Variants in ADAMTS18 observed in about 807,000 individuals in gnomAD.
ADAMTS18 encodes the protein A disintegrin and metalloproteinase with thrombospondin motifs 18.
ADAMTS18 carries 157 observed loss-of-function variants against 165.9 expected under a neutral mutation model. That is an observed-to-expected ratio of 0.95 (90% CI 0.83 to 1.08). ADAMTS18 has a LOEUF of 1.08. Ranked by LOEUF, ADAMTS18 falls within the 50% of genes least tolerant of loss-of-function variation. The pLI, the probability that ADAMTS18 is intolerant of heterozygous loss-of-function variation, is 0.00. For missense variants in ADAMTS18, 2,040 were observed against 1,534.0 expected, an observed-to-expected ratio of 1.33 and a Z score of -5.51; for synonymous variants, 782 against 578.2, an observed-to-expected ratio of 1.35 and a Z score of -5.06.
intron 10 of ADAMTS18, 126 bp downstream of exon 10, chr16:77,353,607 C>T: frequency 7.7e-7 from 1 of 1,304,436 alleles, no homozygotes; most frequent in South Asian, 1.2e-5. Context: ...TGCCAAACAA[C>T]TGACACGGTA....
intron 12 of ADAMTS18, among the ~76,000 whole-genome samples, chr16:77,333,337 C>A (rs1394022972): frequency 6.6e-6 from 1 of 151,990 alleles, no homozygotes; most frequent in Non-Finnish European, 1.5e-5. Flanking sequence ...GAGAGCTTTA[C>A]AACAAATACC....
rs377554176 is a variant in ADAMTS18, at chr16:77,434,504, G to A, written c.92C>T (p.Ala31Val). ...ACAGCAGAGGCAGCACAGCTGGAGC[G>A]CCTGCAAGAGAAAAGGTGACATCGC... ...GLAGLGRVAKALQLCCLCCAS... is the reference protein window; with the variant it reads ...GLAGLGRVAKVLQLCCLCCAS... The change falls in exon 2 of 23, where the codon GCG (alanine) becomes GTG (valine). Residue 31 changes from alanine to valine, a missense_variant and splice_region_variant. Coordinates refer to ENST00000282849, the MANE Select transcript of ADAMTS18 (RefSeq NM_199355.4). The A allele has an allele frequency of 9.6e-6, 15 of 1,557,044 alleles. No individual in the cohort carries two copies. The East Asian group carries it at 1.2e-4, about 12-fold the overall frequency.
chr16:77,356,526 A>G (rs2056633050), intron 8 of ADAMTS18, among the ~76,000 whole-genome samples: 1 of 152,182 alleles, frequency 6.6e-6, no homozygotes, highest in Non-Finnish European at 1.5e-5. Flanking sequence ...TGAACTGTTC[A>G]TATATAAGGC....
intron 9 of ADAMTS18, among the ~76,000 whole-genome samples, chr16:77,355,411 CAAAG>C (rs1272900464): frequency 1.3e-5 from 2 of 152,126 alleles, no homozygotes; most frequent in Non-Finnish European, 2.9e-5. Context: ...ACATAATAGT[CAAAG>C]AAGAAAATGC....
rs1179821818 is a variant in ADAMTS18, at chr16:77,313,366, C to G, written c.2532+6483G>C. ...GTAAATGACGAGTTAATGGGTACAG[C>G]ACACCAACATGGCACATGTATACAT... On this transcript the variant is annotated intron_variant, in intron 16 of 22. Transcript: ENST00000282849. Among the ~76,000 whole-genome samples the G allele has an allele frequency of 6.6e-5, 10 of 151,910 alleles. No individual in the cohort carries two copies. The South Asian group carries it at 2.1e-3, about 32-fold the overall frequency.
chr16:77,407,135 T>C (rs999312196), intron 3 of ADAMTS18, among the ~76,000 whole-genome samples: 2 of 152,060 alleles, frequency 1.3e-5, no homozygotes, highest in East Asian at 1.9e-4. Flanking sequence ...ACTTCTACAA[T>C]TGATAAGTGA....
intron 3 of ADAMTS18, among the ~76,000 whole-genome samples, chr16:77,396,605 A>G (rs1396426026): frequency 2.0e-5 from 3 of 152,216 alleles, no homozygotes; most frequent in Non-Finnish European, 4.4e-5. Flanking sequence ...GCTGGTCAAG[A>G]GAAAACCTGC....
At chr16:77,427,317 A>T (rs2057686027) in intron 3 of ADAMTS18, among the ~76,000 whole-genome samples, 1 of 152,242 alleles carries the variant, frequency 6.6e-6, no homozygotes, top group Admixed American at 6.5e-5. Context: ...CTTAGTACAT[A>T]GGAAGAAACA....
intron 11 of ADAMTS18, among the ~76,000 whole-genome samples, chr16:77,337,612 T>A (rs1163246064): frequency 6.6e-6 from 1 of 152,222 alleles, no homozygotes; most frequent in Non-Finnish European, 1.5e-5. Context: ...GGAGGCAAAT[T>A]ACTGACCAAT....
chr16:77,376,876 G>A (rs976353435), intron 3 of ADAMTS18, among the ~76,000 whole-genome samples: 8 of 147,870 alleles, frequency 5.4e-5, no homozygotes, highest in Non-Finnish European at 8.9e-5. Flanking sequence ...GTGCAGTGGG[G>A]TGATCTCAGC....
At chr16:77,315,449 AG>A (rs2055869819) in intron 16 of ADAMTS18, among the ~76,000 whole-genome samples, 2 of 152,374 alleles carry the variant, frequency 1.3e-5, no homozygotes, top group South Asian at 2.1e-4. Flanking sequence ...AAGAACAGCT[AG>A]GATGCCATCC....
At chr16:77,390,527 TAAAAACAC>T (rs2057171496) in intron 3 of ADAMTS18, among the ~76,000 whole-genome samples, 3 of 152,098 alleles carry the variant, frequency 2.0e-5, no homozygotes, top group Admixed American at 2.0e-4. Flanking sequence ...CCGTCTCTAC[TAAAAACAC>T]AAAAATTAGC....
rs774167487 is a variant in ADAMTS18, at chr16:77,321,132, T to C, written c.2234A>G (p.Asn745Ser). 6.2e-7 allele frequency: 1 copy of C among 1,614,200 alleles called. No individual in the cohort carries two copies. The highest frequency in any genetic ancestry group is 8.5e-7 in the Non-Finnish European group (1 of 1,180,014). The change falls in exon 15 of 23, where the codon AAT becomes AGT. Residue 745 changes from asparagine (N) to serine (S), a missense_variant. Physicochemically the swap from Asn to Ser is conservative, Grantham distance 46 (BLOSUM62 1). Transcript: ENST00000282849. The stretch of plus-strand genomic sequence containing the variant: ...GCCTTTATAAAACTTGCAAGTTGAA[T>C]TATCACCTTTGCAAACGCCACAAGC... ...SDACGVCKGD[N>S]STCKFYKGLY... is the part of the protein sequence containing the mutation.
intron 3 of ADAMTS18, among the ~76,000 whole-genome samples, chr16:77,421,169 A>T (rs2057597659): frequency 6.6e-6 from 1 of 152,266 alleles, no homozygotes; most frequent in South Asian, 2.1e-4. Context: ...AGCATGAAAA[A>T]GCAATCAAAG....
At chr16:77,287,300 T>TCAAACGACATTCATAGTAGTCAC (rs2055272864) in intron 22 of ADAMTS18, among the ~76,000 whole-genome samples, 1 of 152,098 alleles carries the variant, frequency 6.6e-6, no homozygotes, top group African/African-American at 2.4e-5. Context: ...GAAAATACAC[T>TCAAACGACATTCATAGTAGTCAC]CAAACGACAT....
At chr16:77,391,448 C>T (rs2057185589) in intron 3 of ADAMTS18, among the ~76,000 whole-genome samples, 1 of 150,928 alleles carries the variant, frequency 6.6e-6, no homozygotes, top group Non-Finnish European at 1.5e-5. Context: ...GTCGAGATCA[C>T]ACCACTGCAC....
chr16:77,359,509 A>G (rs533172139), intron 7 of ADAMTS18, 86 bp from the exon 8 acceptor site: 2 of 1,154,098 alleles, frequency 1.7e-6, no homozygotes, highest in East Asian at 5.0e-5. Flanking sequence ...AATGTTCTAC[A>G]CAGTTTTAGT....
chr16:77,427,657 A>G (rs111842025), intron 3 of ADAMTS18, among the ~76,000 whole-genome samples: 2 of 152,332 alleles, frequency 1.3e-5, no homozygotes, highest in African/African-American at 2.4e-5. Context: ...AAATTTTAAA[A>G]CAATCATCTC....
At chr16:77,324,245 C>G (rs763939652) in intron 13 of ADAMTS18, among the ~76,000 whole-genome samples, 1 of 152,176 alleles carries the variant, frequency 6.6e-6, no homozygotes, top group East Asian at 1.9e-4. Context: ...CAAGAGTATA[C>G]AACCAACAGA....
Sources: gnomAD v4.1 joint callset for allele counts (sites outside exome capture counted in the v4.1 genomes callset) on GRCh38, gnomAD v4.1.1 for gene constraint, MANE v1.5 for transcripts, NCBI Gene and HGNC (gene_info 2026-07-23, HGNC 2026-07-21) for gene names.